Variants in CDHR2 observed in about 807,000 individuals in gnomAD.
CDHR2 encodes cadherin-related family member 2.
CDHR2 carries 104 observed loss-of-function variants against 138.6 expected under a neutral mutation model. The observed-to-expected ratio is 0.75, with a 90% CI of 0.64 to 0.88. The LOEUF is 0.88. CDHR2 is among the 40% of genes least tolerant of loss of function. The pLI, the probability that CDHR2 is intolerant of heterozygous loss-of-function variation, is 0.00. For synonymous variants in CDHR2, 755 were observed against 742.8 expected, an observed-to-expected ratio of 1.02 and a Z score of -0.27; for missense variants, 1,624 against 1,727.6, an observed-to-expected ratio of 0.94 and a Z score of 1.06.
Position 176,584,735 on chromosome 5 carries a change from G to A in CDHR2, c.2454G>A (p.Val818=). Reference sequence around the variant, plus strand: ...TAGCCTCACTCCGGGGCATCCGTGTGGCTGAGAATGGCTCACAGCACGGCC... The same window carrying A: ...TAGCCTCACTCCGGGGCATCCGTGTAGCTGAGAATGGCTCACAGCACGGCC... ...LDVASLRGIR[V]AENGSQHGQV... is the part of the protein sequence containing the mutation. Residue 818 remains valine (V), a synonymous_variant, in exon 19 of 32, where the codon GTG becomes GTA. Transcript: ENST00000261944. 6.2e-7 allele frequency: 1 copy of A among 1,614,204 alleles called. No individual in the cohort carries two copies. The highest frequency in any genetic ancestry group is 8.5e-7 in the Non-Finnish European group (1 of 1,180,040).
chr5:176,574,013 G>T, intron 6 of CDHR2, 70 bp from the exon 7 acceptor site: 7 of 1,185,416 alleles, frequency 5.9e-6, no homozygotes, highest in African/African-American at 1.5e-5. Flanking sequence ...TGAAGCTCAG[G>T]GGGGCAGTGA....
intron 1 of CDHR2, among the ~76,000 whole-genome samples, chr5:176,557,955 C>G (rs974476088): frequency 6.6e-6 from 1 of 152,050 alleles, no homozygotes; most frequent in Admixed American, 6.6e-5. Context: ...ATCCACCCGC[C>G]TTGGCCTCCC....
At chr5:176,544,352 CTTTT>C (rs1757533775), upstream of CDHR2, among the ~76,000 whole-genome samples, 3 of 137,682 alleles carry the variant, frequency 2.2e-5, no homozygotes, top group East Asian at 6.5e-4. Flanking sequence ...TTTCTTTTTT[CTTTT>C]CTTTTCTTTC....
At chr5:176,545,623 A>G (rs112724216), upstream of CDHR2, among the ~76,000 whole-genome samples, 462 of 152,300 alleles carry the variant, frequency 3.0e-3, 3 homozygotes, top group African/African-American at 0.01. Flanking sequence ...TGGAGTCTGC[A>G]TTAGGCCCAT....
chr5:176,585,105 T>C, intron 19 of CDHR2, 90 bp downstream of exon 19: 1 of 1,398,980 alleles, frequency 7.1e-7, no homozygotes, highest in Non-Finnish European at 9.5e-7. Context: ...AGGTCTGGGC[T>C]CAGATCTTGG....
At chr5:176,551,447 C>T (rs1222470124) in intron 1 of CDHR2, among the ~76,000 whole-genome samples, 1 of 152,092 alleles carries the variant, frequency 6.6e-6, no homozygotes, top group Non-Finnish European at 1.5e-5. Flanking sequence ...AACAAGGAAG[C>T]AGTAATTTCT....
chr5:176,592,547 A>G, intron 30 of CDHR2, among the ~76,000 whole-genome samples, 176 bp from the exon 31 acceptor site: 1 of 141,096 alleles, frequency 7.1e-6, no homozygotes, highest in African/African-American at 2.7e-5. Flanking sequence ...TGTTGAGGTG[A>G]TGGTGATGGT....
In CDHR2 at chr5:176,595,717, A is replaced by C. The variant is rs576350560; in HGVS notation, c.*45A>C. The C allele has an allele frequency of 2.1e-6, 3 of 1,452,756 alleles. No individual in the cohort carries two copies. The highest frequency in any genetic ancestry group is 2.9e-5 in the African/African-American group (2 of 69,274). 90.0% of individuals were successfully genotyped at this position (1,452,756 alleles called of 1,614,324 possible). On this transcript the variant is annotated 3_prime_UTR_variant, in exon 32 of 32. Coordinates refer to ENST00000261944, the MANE Select transcript of CDHR2 (RefSeq NM_017675.6). ...GGACCCCTTGAAGAGGCCCTACCAC[A>C]CCCTAACTGCACCTGTCTCCCTGGA...
At position 176,595,671 on chromosome 5, in the gene CDHR2, G is replaced by A. The variant is rs1759013408; in HGVS notation, c.3932G>A (p.Ter1311=). The part of the protein sequence containing the change: ...TNAGLDTTDL[*] ...GCTGGCCTGGACACCACGGACCTGT[G>A]ACAGGGGCCCCCACTCTTCTGGACC... Residue 1311 remains the stop codon, a stop_retained_variant, in exon 32 of 32, where the codon TGA becomes TAA. Coordinates refer to ENST00000261944, the MANE Select transcript of CDHR2 (RefSeq NM_017675.6). 6.3e-7 allele frequency: 1 copy of A among 1,585,492 alleles called. No homozygotes were observed. Among genetic ancestry groups the A allele is most frequent in the East Asian group, 2.3e-5 (1 of 43,600 alleles).
intron 14 of CDHR2, 46 bp from the exon 15 acceptor site, chr5:176,577,988 C>T (rs538536240): frequency 2.3e-5 from 36 of 1,570,124 alleles, no homozygotes; most frequent in African/African-American, 2.0e-4. Flanking sequence ...GGTGGCGGTG[C>T]GTGCATCGCC....
chr5:176,578,143 G>A, intron 15 of CDHR2, 48 bp downstream of exon 15: 2 of 1,536,738 alleles, frequency 1.3e-6, no homozygotes, highest in Non-Finnish European at 1.8e-6. Context: ...CAGGGCCCAG[G>A]CCCACCTCTC....
chr5:176,561,072 CAAT>C (rs2113270512), intron 1 of CDHR2, among the ~76,000 whole-genome samples: 2 of 152,306 alleles, frequency 1.3e-5, no homozygotes, highest in East Asian at 3.9e-4. Flanking sequence ...GGAACTCCAA[CAAT>C]GAGAAGGGCA....
chr5:176,559,729 A>G (rs1757923442), intron 1 of CDHR2, among the ~76,000 whole-genome samples: 1 of 151,470 alleles, frequency 6.6e-6, no homozygotes, highest in Non-Finnish European at 1.5e-5. Flanking sequence ...TTTAAAATCT[A>G]TAACAGTGGC....
At chr5:176,567,870 T>G (rs1758119099) in intron 3 of CDHR2, among the ~76,000 whole-genome samples, 1 of 152,200 alleles carries the variant, frequency 6.6e-6, no homozygotes, top group South Asian at 2.1e-4. Flanking sequence ...GCTCAAGCCA[T>G]CCCCCATCTC....
intron 22 of CDHR2, 23 bp from the exon 23 acceptor site, chr5:176,589,307 C>T: frequency 6.4e-7 from 1 of 1,557,210 alleles, no homozygotes; most frequent in Non-Finnish European, 8.7e-7. Context: ...CCAAGACTGA[C>T]CTGCGCCTCC....
rs200351305 is a variant in CDHR2 at position 176,565,773 on chromosome 5, G to A, written c.124+30G>A. 371 of 1,588,238 alleles carry A rather than the reference G, an allele frequency of 2.3e-4. 1 individual carries two copies. In the African/African-American group the frequency reaches 4.4e-3, roughly 19 times the overall value. On this transcript the variant is annotated intron_variant, in intron 3 of 31. Coordinates refer to ENST00000261944, the MANE Select transcript of CDHR2 (RefSeq NM_017675.6). ...GTCCCGGTCCCTGTGTCTGCCCCAT[G>A]TCAGGTCCTGACCCACAGGAAAGTC...
intron 20 of CDHR2, 56 bp downstream of exon 20, chr5:176,586,081 G>C: frequency 6.9e-7 from 1 of 1,452,798 alleles, no homozygotes; most frequent in Non-Finnish European, 9.7e-7. Flanking sequence ...CCGCCTTTGA[G>C]CAACCCCGAC....
intron 1 of CDHR2, among the ~76,000 whole-genome samples, chr5:176,555,124 C>T (rs901017225): frequency 1.3e-5 from 2 of 152,202 alleles, no homozygotes; most frequent in Non-Finnish European, 2.9e-5. Context: ...TTTCATGTTA[C>T]GGTCACTTCC....
At chr5:176,566,584 T>A (rs976719042) in intron 3 of CDHR2, among the ~76,000 whole-genome samples, 2 of 152,182 alleles carry the variant, frequency 1.3e-5, no homozygotes, top group African/African-American at 4.8e-5. Context: ...CAGGCTGCCC[T>A]CCCTGCAGGG....
Sources: gnomAD v4.1 joint callset for allele counts (sites outside exome capture counted in the v4.1 genomes callset) on GRCh38, gnomAD v4.1.1 for gene constraint, MANE v1.5 for transcripts, NCBI Gene and HGNC (gene_info 2026-07-23, HGNC 2026-07-21) for gene names.